PPP4R3A: variants seen among roughly 807,000 people sequenced by gnomAD.
PPP4R3A encodes the protein serine/threonine-protein phosphatase 4 regulatory subunit 3A.
A neutral mutation model predicts 91.7 loss-of-function variants in PPP4R3A; 15 were observed. That is an observed-to-expected ratio of 0.16 (90% CI 0.11 to 0.25). PPP4R3A has a LOEUF of 0.25. Among genes scored for constraint, PPP4R3A ranks in the 10% least tolerant of loss-of-function variants. The pLI, the probability that PPP4R3A is intolerant of heterozygous loss-of-function variation, is 1.00. For missense variants in PPP4R3A, 623 were observed against 998.4 expected (o/e 0.62, Z 5.07); for synonymous variants, 377 against 348.7 (o/e 1.08, Z -0.91).
intron 14 of PPP4R3A, among the ~76,000 whole-genome samples, chr14:91,460,614 C>G (rs1185311246): frequency 7.1e-6 from 1 of 141,498 alleles, no homozygotes; most frequent in Non-Finnish European, 1.5e-5. Context: ...ATGTTTTCTA[C>G]ATTTTTTCTT....
intron 1 of PPP4R3A, among the ~76,000 whole-genome samples, chr14:91,507,045 G>A (rs1202631481): frequency 4.6e-5 from 7 of 152,022 alleles, no homozygotes; most frequent in South Asian, 2.1e-4. Flanking sequence ...GAGGTTCGGC[G>A]CAGTGGCTCA....
chr14:91,504,879 A>G (rs1273355826), intron 1 of PPP4R3A, among the ~76,000 whole-genome samples: 2 of 152,150 alleles, frequency 1.3e-5, no homozygotes, highest in Non-Finnish European at 2.9e-5. Context: ...ACGAGCATAT[A>G]AGCTCCCCTA....
In PPP4R3A at chr14:91,462,723, A is replaced by G; in HGVS notation, c.1973+12T>C. On this transcript the variant is annotated intron_variant, in intron 12 of 14. Coordinates refer to ENST00000554943, the MANE Select transcript of PPP4R3A (RefSeq NM_001366432.2). ...ATGCTGAACGAATAGGTTTAAATATATGGTAATTTACCTGTCAAGTTTGGG... is the reference window on the plus strand; with the variant it reads ...ATGCTGAACGAATAGGTTTAAATATGTGGTAATTTACCTGTCAAGTTTGGG... The G allele has an allele frequency of 6.2e-7, 1 of 1,613,408 alleles. No individual in the cohort carries two copies. Among genetic ancestry groups the G allele is most frequent in the Non-Finnish European group, 8.5e-7 (1 of 1,179,580 alleles).
intron 4 of PPP4R3A, among the ~76,000 whole-genome samples, chr14:91,479,508 T>C (rs1278586641): frequency 6.6e-6 from 1 of 151,306 alleles, no homozygotes; most frequent in Admixed American, 6.6e-5. Flanking sequence ...GCTGGGATTA[T>C]AGGCATGCAT....
At position 91,473,200 on chromosome 14, in the gene PPP4R3A, T is replaced by C. The variant is rs750847311; in HGVS notation, c.1398+39A>G. 5.6e-6 allele frequency: 9 copies of C among 1,612,542 alleles called. No individual in the cohort carries two copies. In the African/African-American group the frequency reaches 9.4e-5, roughly 17 times the overall value. ...TGGTTCCTACCAGCAATACACAATATACTAGCTATGAAAAAGAGGGGAAAT... is the reference window on the plus strand; with the variant it reads ...TGGTTCCTACCAGCAATACACAATACACTAGCTATGAAAAAGAGGGGAAAT... On this transcript the variant is annotated intron_variant, in intron 8 of 14. Transcript: ENST00000554943.
intron 1 of PPP4R3A, among the ~76,000 whole-genome samples, chr14:91,507,117 G>A (rs1426731590): frequency 2.6e-5 from 4 of 151,540 alleles, no homozygotes; most frequent in African/African-American, 4.9e-5. Flanking sequence ...TACAGAGTTC[G>A]AGACCAGACT....
At chr14:91,468,779 C>G (rs1374937102) in intron 10 of PPP4R3A, among the ~76,000 whole-genome samples, 2 of 148,362 alleles carry the variant, frequency 1.3e-5, no homozygotes, top group African/African-American at 5.0e-5. Context: ...TGTATTCAAC[C>G]AAGAATGCAA....
At chr14:91,505,443 C>CT (rs34550383) in intron 1 of PPP4R3A, among the ~76,000 whole-genome samples, 70,519 of 146,482 alleles carry the variant, frequency 0.48, 16,924 homozygotes, top group Admixed American at 0.52. Flanking sequence ...GAGATTCTGC[C>CT]TAAAAAAAAA....
chr14:91,510,030 C>T lies in PPP4R3A; in HGVS notation c.-383G>A. The T allele has an allele frequency of 1.2e-6, 1 of 849,940 alleles. No individual in the cohort carries two copies. The highest frequency in any genetic ancestry group is 1.4e-6 in the Non-Finnish European group (1 of 703,038). The allele number at this position is 849,940 out of a possible 1,614,324, so 52.6% of individuals were successfully genotyped here. ...AAGCAGCTTCCCGCGCCGCCGCCGC[C>T]TCCTCAGGCCGCCGCCGCCGCCGCC... On this transcript the variant is annotated 5_prime_UTR_variant, in exon 1 of 15. Coordinates refer to ENST00000554943, the MANE Select transcript of PPP4R3A (RefSeq NM_001366432.2).
intron 1 of PPP4R3A, among the ~76,000 whole-genome samples, chr14:91,494,646 T>C (rs1343672863): frequency 6.6e-6 from 1 of 152,126 alleles, no homozygotes; most frequent in Non-Finnish European, 1.5e-5. Context: ...GTGGATCACT[T>C]GAGGTCAGGA....
intron 1 of PPP4R3A, among the ~76,000 whole-genome samples, chr14:91,491,748 C>T (rs781622313): frequency 1.3e-5 from 2 of 151,918 alleles, no homozygotes; most frequent in Non-Finnish European, 2.9e-5. Flanking sequence ...ATTACAGTAA[C>T]TTGTAACCTA....
intron 4 of PPP4R3A, among the ~76,000 whole-genome samples, chr14:91,479,873 G>A (rs536883956): frequency 1.2e-3 from 183 of 152,260 alleles, no homozygotes; most frequent in African/African-American, 4.2e-3. Flanking sequence ...GGGTTCAATC[G>A]ATCCTCCTGC....
At chr14:91,468,446 C>T (rs533926369) in intron 10 of PPP4R3A, among the ~76,000 whole-genome samples, 3 of 152,042 alleles carry the variant, frequency 2.0e-5, no homozygotes, top group East Asian at 1.9e-4. Context: ...CCGAGGCAGG[C>T]GGATCACGAG....
chr14:91,462,916 T>G, intron 11 of PPP4R3A, 39 bp from the exon 12 acceptor site: 2 of 1,522,654 alleles, frequency 1.3e-6, no homozygotes, highest in Non-Finnish European at 8.9e-7. Context: ...GATAGGAAAA[T>G]GTCATTTTAG....
At chr14:91,492,120 AAC>A (rs1229595934) in intron 1 of PPP4R3A, among the ~76,000 whole-genome samples, 6 of 152,256 alleles carry the variant, frequency 3.9e-5, no homozygotes, top group African/African-American at 1.4e-4. Flanking sequence ...GTAATTAAAC[AAC>A]ACAGTGTGAA....
Position 91,465,113 on chromosome 14 carries a change from C to T in PPP4R3A, c.1830+137G>A. The T allele has an allele frequency of 5.9e-6, 4 of 677,376 alleles. No homozygotes were observed. In the South Asian group the frequency reaches 1.4e-4, roughly 24 times the overall value. 42.0% of individuals were successfully genotyped at this position (677,376 alleles called of 1,614,324 possible). ...GTAAGATGTAGCTTGACTCAAATCT[C>T]TCACAGGCTTTTAGTACTTTTTTTT... is the stretch of plus-strand genomic sequence containing the variant. On this transcript the variant is annotated intron_variant, in intron 11 of 14. Transcript: ENST00000554943.
intron 10 of PPP4R3A, among the ~76,000 whole-genome samples, chr14:91,468,900 T>C (rs759683067): frequency 6.5e-4 from 99 of 151,964 alleles, no homozygotes; most frequent in Middle Eastern, 3.4e-3. Context: ...CACACCTCAA[T>C]GTAGTGCTTA....
At chr14:91,475,787 A>C in intron 7 of PPP4R3A, 24 bp downstream of exon 7, 1 of 1,584,860 alleles carries the variant, frequency 6.3e-7, no homozygotes, top group Non-Finnish European at 8.6e-7. Context: ...ATAAATACTT[A>C]CTATTAGTAC....
chr14:91,495,444 A>G (rs1023443009), intron 1 of PPP4R3A, among the ~76,000 whole-genome samples: 4 of 151,988 alleles, frequency 2.6e-5, no homozygotes, highest in African/African-American at 9.7e-5. Context: ...CCACCTGAGT[A>G]GCTGGGACTA....
Sources: allele counts gnomAD v4.1 joint callset (sites outside exome capture counted in the v4.1 genomes callset), GRCh38; gene constraint gnomAD v4.1.1; transcripts MANE v1.5; gene names NCBI Gene and HGNC (gene_info 2026-07-23, HGNC 2026-07-21).